Variants in NTRK1 observed in about 807,000 individuals in gnomAD.
NTRK1 encodes high affinity nerve growth factor receptor.
A neutral mutation model predicts 86.8 loss-of-function variants in NTRK1; 62 were observed. That is an observed-to-expected ratio of 0.71 (90% CI 0.58 to 0.88). The LOEUF is 0.88. Among genes scored for constraint, NTRK1 ranks in the 40% least tolerant of loss-of-function variants. The pLI, the probability that NTRK1 is intolerant of heterozygous loss-of-function variation, is 0.00. For missense variants in NTRK1, 967 were observed against 1,078.4 expected, an observed-to-expected ratio of 0.90 and a Z score of 1.45; for synonymous variants, 469 against 456.6, an observed-to-expected ratio of 1.03 and a Z score of -0.35.
intron 1 of NTRK1, 143 bp from the exon 2 acceptor site, chr1:156,864,211 G>A: frequency 1.3e-6 from 1 of 757,930 alleles, no homozygotes; most frequent in Non-Finnish European, 2.3e-6. Flanking sequence ...GTGCACGCCT[G>A]TGTAAGTGTG....
At chr1:156,849,296 C>T (rs916865675) in intron 2 of NTRK1, 6 of 1,613,814 alleles carry the variant, frequency 3.7e-6, no homozygotes, top group Middle Eastern at 1.6e-4. Flanking sequence ...CTTGTTCTGC[C>T]GACCTCGCGT....
At chr1:156,852,066 G>A in intron 2 of NTRK1, 1 of 1,613,652 alleles carries the variant, frequency 6.2e-7, no homozygotes. Context: ...CAGGCACCCT[G>A]GAAGTAGAGG....
chr1:156,818,934 C>T (rs1654107933), intron 1 of NTRK1, among the ~76,000 whole-genome samples: 1 of 152,104 alleles, frequency 6.6e-6, no homozygotes, highest in Non-Finnish European at 1.5e-5. Flanking sequence ...ATTTACATTC[C>T]CACTAGCAAT....
intron 2 of NTRK1, chr1:156,845,789 G>T (rs566702909): frequency 6.2e-7 from 1 of 1,612,806 alleles, no homozygotes; most frequent in South Asian, 1.1e-5. Flanking sequence ...AGCGCGGATC[G>T]TTGTTGCTGG....
At chr1:156,827,626 G>A (rs533947145) in intron 1 of NTRK1, among the ~76,000 whole-genome samples, 81 of 152,110 alleles carry the variant, frequency 5.3e-4, no homozygotes, top group Non-Finnish European at 8.8e-4. Context: ...TGAACTCCTG[G>A]GCTCAGTTGA....
intron 1 of NTRK1, among the ~76,000 whole-genome samples, chr1:156,864,021 T>A (rs777027154): frequency 1.3e-5 from 2 of 152,180 alleles, no homozygotes; most frequent in African/African-American, 2.4e-5. Context: ...TGCAGATGCT[T>A]ATGCCTCTGT....
rs574809028 is a variant in NTRK1 at position 156,875,975 on chromosome 1, G to C, written c.1502-105G>C. ...AATTTTAGCCCCCATGCAGTCCCTCGTCTGGGCAGCCTTGTGCAGCACACA... is the reference window on the plus strand; with the variant it reads ...AATTTTAGCCCCCATGCAGTCCCTCCTCTGGGCAGCCTTGTGCAGCACACA... On this transcript the variant is annotated intron_variant, in intron 12 of 16. Transcript: ENST00000524377. The C allele has an allele frequency of 1.2e-4, 189 of 1,568,542 alleles. No individual in the cohort carries two copies. The African/African-American group carries it at 2.3e-3, about 19-fold the overall frequency.
chr1:156,872,233 A>T (rs1232465911), intron 7 of NTRK1, among the ~76,000 whole-genome samples: 1 of 152,140 alleles, frequency 6.6e-6, no homozygotes, highest in South Asian at 2.1e-4. Flanking sequence ...TGTGCAAAAA[A>T]TATATATATT....
intron 8 of NTRK1, 140 bp downstream of exon 8, chr1:156,874,099 G>A (rs1647745428): frequency 1.0e-6 from 1 of 953,114 alleles, no homozygotes; most frequent in African/African-American, 1.6e-5. Flanking sequence ...GTGTCCCGCT[G>A]TTCTGGCCTC....
rs781698345 is a variant in NTRK1 at position 156,873,882 on chromosome 1, T to C, written c.1100T>C (p.Phe367Ser). ...TACACGCTGCTGGCTGCCAACCCCT[T>C]CGGCCAGGCCTCCGCCTCCATCATG... ...GNYTLLAANP[F>S]GQASASIMAA... Residue 367 changes from phenylalanine (F) to serine (S), a missense_variant, in exon 8 of 17, where the codon TTC becomes TCC. Transcript: ENST00000524377. 1.9e-6 allele frequency: 3 copies of C among 1,589,954 alleles called. No homozygotes were observed. In the African/African-American group the frequency reaches 4.0e-5, roughly 21 times the overall value.
intron 12 of NTRK1, 32 bp downstream of exon 12, chr1:156,875,698 C>T (rs191705000): frequency 1.5e-5 from 18 of 1,240,204 alleles, no homozygotes; most frequent in East Asian, 2.7e-5. Flanking sequence ...AGGGCAGGGA[C>T]GAGTGTGTGT....
rs1023324482 is a variant in NTRK1, at chr1:156,864,679, C to T, written c.288-49C>T. ...TGGGATGGGCAGGGAGGGCCAGGGG[C>T]CCAGAGTAGCTGAGACCTGGGGACT... is the stretch of plus-strand genomic sequence containing the variant. On this transcript the variant is annotated intron_variant, in intron 2 of 16. Coordinates refer to ENST00000524377, the MANE Select transcript of NTRK1 (RefSeq NM_002529.4). 3.1e-6 allele frequency: 5 copies of T among 1,597,570 alleles called. No individual in the cohort carries two copies. The African/African-American group carries it at 6.7e-5, about 21-fold the overall frequency.
intron 1 of NTRK1, chr1:156,816,227 G>A (rs1653917028): frequency 7.8e-6 from 11 of 1,406,760 alleles, no homozygotes; most frequent in Non-Finnish European, 1.0e-5. Flanking sequence ...ACGCAGAAGG[G>A]CAGCAGGGGA....
chr1:156,879,380 C>T lies in NTRK1; in HGVS notation c.2046+18C>T, dbSNP rs1648114414. 1 of 1,587,998 alleles carries T rather than the reference C, an allele frequency of 6.3e-7. No homozygotes were observed. Among genetic ancestry groups the T allele is most frequent in the Non-Finnish European group, 8.5e-7 (1 of 1,170,036 alleles). On this transcript the variant is annotated intron_variant, in intron 15 of 16. Coordinates refer to ENST00000524377, the MANE Select transcript of NTRK1 (RefSeq NM_002529.4). The stretch of plus-strand genomic sequence containing the variant: ...ATTACCGTGTAAGGGTCCTTTGTCC[C>T]CAACGCCTTCCCCTGCATCCAAACT...
chr1:156,837,646 G>A (rs1654629204), intron 1 of NTRK1: 2 of 152,324 alleles, frequency 1.3e-5, no homozygotes, highest in African/African-American at 2.4e-5. Context: ...GAGGAGTTAT[G>A]CATGGGAGCC....
chr1:156,816,838 G>A, intron 1 of NTRK1: 4 of 831,028 alleles, frequency 4.8e-6, no homozygotes, highest in Non-Finnish European at 7.1e-6. Context: ...CTTACCCACA[G>A]CCTTAGTTCT....
chr1:156,824,418 T>C (rs1654269938), intron 1 of NTRK1, among the ~76,000 whole-genome samples: 1 of 152,206 alleles, frequency 6.6e-6, no homozygotes, highest in African/African-American at 2.4e-5. Flanking sequence ...GAAGAAGCAG[T>C]AAAATAGAGG....
chr1:156,873,256 G>T (rs1647673817), intron 7 of NTRK1, among the ~76,000 whole-genome samples: 1 of 151,982 alleles, frequency 6.6e-6, no homozygotes. Flanking sequence ...TGGTTTGATT[G>T]TTAGGGCCCC....
chr1:156,817,926 A>T (rs1654060438), intron 1 of NTRK1, among the ~76,000 whole-genome samples: 1 of 152,206 alleles, frequency 6.6e-6, no homozygotes, highest in Non-Finnish European at 1.5e-5. Flanking sequence ...TACAGGCGTG[A>T]GCCACTGCAC....
Sources: gnomAD v4.1 joint callset for allele counts (sites outside exome capture counted in the v4.1 genomes callset) on GRCh38, gnomAD v4.1.1 for gene constraint, MANE v1.5 for transcripts, NCBI Gene and HGNC (gene_info 2026-07-23, HGNC 2026-07-21) for gene names.